BCAS3: variants seen among roughly 807,000 people sequenced by gnomAD.
BCAS3 encodes BCAS3 microtubule associated cell migration factor.
In BCAS3, 53 loss-of-function variants were observed where a neutral mutation model predicts 116.1. The observed-to-expected ratio is 0.46, with a 90% CI of 0.37 to 0.57. BCAS3 has a LOEUF of 0.57. Ranked by LOEUF, BCAS3 falls within the 20% of genes least tolerant of loss-of-function variation. BCAS3 has a pLI of 0.00. For synonymous variants in BCAS3, 391 were observed against 408.2 expected, an observed-to-expected ratio of 0.96 and a Z score of 0.51; for missense variants, 917 against 1,165.4, an observed-to-expected ratio of 0.79 and a Z score of 3.10.
At chr17:60,983,295 T>C (rs1299234786) in intron 14 of BCAS3, among the ~76,000 whole-genome samples, 2 of 152,190 alleles carry the variant, frequency 1.3e-5, no homozygotes, top group Non-Finnish European at 2.9e-5. Context: ...ATCATGCAGA[T>C]AATGTCATCA....
Position 61,134,913 on chromosome 17 carries a change from A to G in BCAS3, c.2425+50349A>G, listed in dbSNP as rs2076537837. 6.6e-6 allele frequency among the ~76,000 whole-genome samples: 1 copy of G among 152,294 alleles called. No homozygotes were observed. The highest frequency in any genetic ancestry group is 6.5e-5 in the Admixed American group (1 of 15,296). ...TTGTTTTGTTTTTTTTTGAAATAAAACATTTGTACAAGTCAGTAAAAGTGA... is the reference window on the plus strand; with the variant it reads ...TTGTTTTGTTTTTTTTTGAAATAAAGCATTTGTACAAGTCAGTAAAAGTGA... On this transcript the variant is annotated intron_variant, in intron 22 of 23. Coordinates refer to ENST00000407086, the MANE Select transcript of BCAS3 (RefSeq NM_017679.5). The surrounding 1 kb of genome is among the most constrained non-coding windows in gnomAD (Gnocchi z 4.6).
At chr17:60,712,623 T>C (rs932053645) in intron 5 of BCAS3, among the ~76,000 whole-genome samples, 6 of 152,358 alleles carry the variant, frequency 3.9e-5, no homozygotes, top group Admixed American at 2.6e-4. Flanking sequence ...ATGTGATTGC[T>C]AAAGATATGA....
intron 13 of BCAS3, among the ~76,000 whole-genome samples, chr17:60,936,407 A>C (rs2059928519): frequency 6.6e-6 from 1 of 151,990 alleles, no homozygotes; most frequent in Non-Finnish European, 1.5e-5. Context: ...TGGTATTTCT[A>C]GTTCTAGATC....
Position 61,189,930 on chromosome 17 carries a change from C to T in BCAS3, c.2425+105366C>T, listed in dbSNP as rs1399954144. ...GGAAAGTATGCAGAGTGAGAAAAATCGTGGGTCTAAGGACATGCCCTGAAA... is the reference window on the plus strand; with the variant it reads ...GGAAAGTATGCAGAGTGAGAAAAATTGTGGGTCTAAGGACATGCCCTGAAA... On this transcript the variant is annotated intron_variant, in intron 22 of 23. Transcript: ENST00000407086. This position sits in a 1 kb window ranked among gnomAD's most constrained non-coding sequence, Gnocchi z 4.5. 1.3e-5 allele frequency among the ~76,000 whole-genome samples: 2 copies of T among 152,122 alleles called. No individual in the cohort carries two copies. Among genetic ancestry groups the T allele is most frequent in the East Asian group, 1.9e-4 (1 of 5,200 alleles).
At chr17:61,303,299 A>G (rs956371903) in intron 22 of BCAS3, among the ~76,000 whole-genome samples, 3 of 152,174 alleles carry the variant, frequency 2.0e-5, no homozygotes, top group African/African-American at 7.2e-5. Context: ...TCCCTCATCT[A>G]TGAGCGTGGG....
chr17:61,239,027 G>A lies in BCAS3; in HGVS notation c.2426-129300G>A, dbSNP rs1021392086. ...TACCTAAGATTTTTTTAATTTGTTCGTGTATATTTTTAGCAATAGAAGCAA... is the reference window on the plus strand; with the variant it reads ...TACCTAAGATTTTTTTAATTTGTTCATGTATATTTTTAGCAATAGAAGCAA... On this transcript the variant is annotated intron_variant, in intron 22 of 23. Transcript: ENST00000407086. The surrounding 1 kb of genome is among the most constrained non-coding windows in gnomAD (Gnocchi z 4.2). 5.3e-5 allele frequency among the ~76,000 whole-genome samples: 8 copies of A among 152,108 alleles called. No individual in the cohort carries two copies. Among genetic ancestry groups the A allele is most frequent in the African/African-American group, 9.7e-5 (4 of 41,414 alleles).
chr17:61,386,416 A>G (rs1422661063), intron 23 of BCAS3, among the ~76,000 whole-genome samples: 2 of 152,218 alleles, frequency 1.3e-5, no homozygotes, highest in Non-Finnish European at 2.9e-5. Context: ...CTAAGGTCTC[A>G]TCCTACTCCC....
chr17:61,295,508 C>A (rs997761875), intron 22 of BCAS3, among the ~76,000 whole-genome samples: 12 of 152,252 alleles, frequency 7.9e-5, no homozygotes, highest in African/African-American at 2.6e-4. Flanking sequence ...GAACTCCTTT[C>A]CTGTGGGATT....
intron 5 of BCAS3, among the ~76,000 whole-genome samples, chr17:60,717,514 C>T (rs1342686245): frequency 6.6e-6 from 1 of 152,108 alleles, no homozygotes; most frequent in African/African-American, 2.4e-5. Context: ...CCATGCCCGG[C>T]AGAATATGTT....
chr17:61,067,313 A>ATATATATATT (rs2070774495), intron 19 of BCAS3, among the ~76,000 whole-genome samples: 3 of 131,750 alleles, frequency 2.3e-5, no homozygotes, highest in Admixed American at 2.3e-4. Flanking sequence ...ATATATATAT[A>ATATATATATT]TATTTATACA....
intron 14 of BCAS3, among the ~76,000 whole-genome samples, chr17:60,965,851 G>A (rs905945688): frequency 3.9e-5 from 6 of 152,192 alleles, no homozygotes; most frequent in African/African-American, 7.2e-5. Context: ...AACGTAGTTA[G>A]GCTTGTTGGA....
chr17:60,878,981 C>G (rs1041932324), intron 9 of BCAS3, among the ~76,000 whole-genome samples: 2 of 152,132 alleles, frequency 1.3e-5, no homozygotes, highest in African/African-American at 4.8e-5. Context: ...CCCCTTCTCC[C>G]TGTTCCTTTA....
intron 5 of BCAS3, among the ~76,000 whole-genome samples, chr17:60,720,006 T>C (rs2039060219): frequency 2.0e-5 from 3 of 152,196 alleles, no homozygotes; most frequent in African/African-American, 7.2e-5. Context: ...TTAAAAATCA[T>C]GTAAAGCAAA....
intron 22 of BCAS3, among the ~76,000 whole-genome samples, chr17:61,240,193 A>G (rs529217251): frequency 6.6e-6 from 1 of 152,336 alleles, no homozygotes; most frequent in South Asian, 2.1e-4. Context: ...CACTCTACAG[A>G]CATAATTTCT....
chr17:61,312,935 C>G (rs2144785673), intron 22 of BCAS3, among the ~76,000 whole-genome samples: 1 of 152,340 alleles, frequency 6.6e-6, no homozygotes, highest in East Asian at 1.9e-4. Flanking sequence ...CCCCTTTGAG[C>G]ATCCACCTCA....
Position 61,026,731 on chromosome 17 carries a change from G to C in BCAS3, c.1638-7935G>C. On this transcript the variant is annotated intron_variant, in intron 16 of 23. Transcript: ENST00000407086. The surrounding 1 kb of genome is among the most constrained non-coding windows in gnomAD (Gnocchi z 5.0). Reference sequence around the variant, plus strand: ...TTGGTTATATCAGACAGTATGTACAGCAGAATTGTAAATGATTACTAATTT... The same window carrying C: ...TTGGTTATATCAGACAGTATGTACACCAGAATTGTAAATGATTACTAATTT... The C allele has an allele frequency of 1.2e-6, 1 of 802,220 alleles. No homozygotes were observed. The highest frequency in any genetic ancestry group is 2.1e-6 in the Non-Finnish European group (1 of 484,554). The allele number at this position is 802,220 out of a possible 1,614,324, so 49.7% of individuals were successfully genotyped here.
At chr17:61,201,863 A>G (rs2080844424) in intron 22 of BCAS3, among the ~76,000 whole-genome samples, 1 of 147,750 alleles carries the variant, frequency 6.8e-6, no homozygotes, top group African/African-American at 2.5e-5. Context: ...GGTTCAAGTG[A>G]TTCTCCTGCC....
At chr17:61,185,042 A>G (rs973166844) in intron 22 of BCAS3, among the ~76,000 whole-genome samples, 15 of 152,084 alleles carry the variant, frequency 9.9e-5, no homozygotes, top group African/African-American at 3.6e-4. Flanking sequence ...CATTAAAAAA[A>G]AAACCTTTAT....
At chr17:60,763,763 A>T (rs916369551) in intron 6 of BCAS3, among the ~76,000 whole-genome samples, 4 of 152,216 alleles carry the variant, frequency 2.6e-5, no homozygotes, top group African/African-American at 9.6e-5. Context: ...ATAGCTTCAG[A>T]AGGAATGGTA....
Sources: allele counts gnomAD v4.1 joint callset (sites outside exome capture counted in the v4.1 genomes callset), GRCh38; gene constraint gnomAD v4.1.1; non-coding constraint Gnocchi (gnomAD v3.1); transcripts MANE v1.5; gene names NCBI Gene and HGNC (gene_info 2026-07-23, HGNC 2026-07-21).